Variants in SOHLH2 observed in about 807,000 individuals in gnomAD.
The protein encoded by SOHLH2 is spermatogenesis- and oogenesis-specific basic helix-loop-helix-containing protein 2.
SOHLH2 carries 22 observed loss-of-function variants against 50.4 expected under a neutral mutation model. The observed-to-expected ratio is 0.44, with a 90% CI of 0.31 to 0.62. The LOEUF is 0.62. SOHLH2 is among the 20% of genes least tolerant of loss of function. SOHLH2 has a pLI of 0.08. For synonymous variants in SOHLH2, 185 were observed against 187.3 expected, an observed-to-expected ratio of 0.99 and a Z score of 0.10; for missense variants, 412 against 504.4, an observed-to-expected ratio of 0.82 and a Z score of 1.76.
chr13:36,192,697 T>A (rs553731780), intron 4 of SOHLH2, among the ~76,000 whole-genome samples: 30 of 152,338 alleles, frequency 2.0e-4, no homozygotes, highest in African/African-American at 6.7e-4. Context: ...CTTGAGTTGA[T>A]AATATACATA....
At position 36,174,838 on chromosome 13, in the gene SOHLH2, G is replaced by T. The variant is rs1238544393; in HGVS notation, c.673C>A (p.Arg225Ser). The T allele has an allele frequency of 6.3e-7, 1 of 1,593,622 alleles. No homozygotes were observed. Among genetic ancestry groups the T allele is most frequent in the Non-Finnish European group, 8.5e-7 (1 of 1,174,474 alleles). The change falls in exon 7 of 11, where the codon CGT becomes AGT. Residue 225 changes from arginine to serine, a missense_variant. Physicochemically the swap from Arg to Ser is moderately radical, Grantham distance 110. Coordinates refer to ENST00000379881, the MANE Select transcript of SOHLH2 (RefSeq NM_017826.3). ...CCTTTTACATACGGCAAGAGAGTAC[G>T]CAGCTGCTCACAGCAATATTTGATT... ...ERIKYCCEQL[R>S]TLLPYVKGRK...
intron 6 of SOHLH2, chr13:36,181,970 A>G (rs1445244604): frequency 1.2e-6 from 1 of 859,140 alleles, no homozygotes; most frequent in East Asian, 1.2e-4. Context: ...AAACAAGTGA[A>G]GAGTCTAAGA....
chr13:36,172,720 T>A (rs192639053), intron 9 of SOHLH2, among the ~76,000 whole-genome samples: 2 of 152,310 alleles, frequency 1.3e-5, no homozygotes, highest in African/African-American at 2.4e-5. Context: ...AGCTGAGAAC[T>A]AGGGATGGAC....
At chr13:36,200,008 A>G (rs545499702) in intron 2 of SOHLH2, among the ~76,000 whole-genome samples, 1 of 152,278 alleles carries the variant, frequency 6.6e-6, no homozygotes, top group South Asian at 2.1e-4. Flanking sequence ...TACAAAAGTC[A>G]ATTAATTACA....
chr13:36,181,922 TA>T, intron 6 of SOHLH2: 2 of 656,828 alleles, frequency 3.0e-6, no homozygotes, highest in Non-Finnish European at 3.8e-6. Context: ...TACATGAAGA[TA>T]AAGGGAAATA....
intron 6 of SOHLH2, chr13:36,182,189 T>C (rs1183923511): frequency 1.0e-6 from 1 of 985,260 alleles, no homozygotes. Flanking sequence ...GAGCAAAAGA[T>C]GGTAATACAG....
At chr13:36,183,343 G>A (rs1259599611) in intron 6 of SOHLH2, 1 of 168,130 alleles carries the variant, frequency 5.9e-6, no homozygotes, top group South Asian at 1.5e-4. Context: ...ATGAAAGAAG[G>A]TAAATAGAAA....
intron 6 of SOHLH2, among the ~76,000 whole-genome samples, chr13:36,189,279 T>TTGCTAAAA (rs1325946571): frequency 1.3e-5 from 2 of 152,146 alleles, no homozygotes; most frequent in African/African-American, 4.8e-5. Flanking sequence ...TAACACTCCT[T>TTGCTAAAA]TGCTAAAATC....
At chr13:36,212,436 C>G (rs1240765076) in intron 1 of SOHLH2, among the ~76,000 whole-genome samples, 1 of 152,096 alleles carries the variant, frequency 6.6e-6, no homozygotes, top group Non-Finnish European at 1.5e-5. Flanking sequence ...CAACATAAAT[C>G]TGAATATTTA....
intron 6 of SOHLH2, among the ~76,000 whole-genome samples, chr13:36,188,456 C>T (rs1309317597): frequency 6.6e-6 from 1 of 152,182 alleles, no homozygotes; most frequent in African/African-American, 2.4e-5. Context: ...GTAAATACTT[C>T]ACACCTTCAT....
intron 6 of SOHLH2, among the ~76,000 whole-genome samples, chr13:36,177,365 C>A (rs986640822): frequency 6.6e-6 from 1 of 152,024 alleles, no homozygotes; most frequent in Non-Finnish European, 1.5e-5. Flanking sequence ...TGGGTTATTA[C>A]AAATAAGGAT....
chr13:36,185,374 GGA>G (rs1312993363), intron 6 of SOHLH2, among the ~76,000 whole-genome samples: 1 of 151,970 alleles, frequency 6.6e-6, no homozygotes, highest in Non-Finnish European at 1.5e-5. Flanking sequence ...GGCTGAGGCA[GGA>G]GAATTGCTTG....
intron 6 of SOHLH2, among the ~76,000 whole-genome samples, chr13:36,177,326 T>C (rs538480562): frequency 6.6e-6 from 1 of 152,246 alleles, no homozygotes; most frequent in South Asian, 2.1e-4. Context: ...CATTCTCTTA[T>C]TGATGAACAC....
intron 4 of SOHLH2, 22 bp downstream of exon 4, chr13:36,193,598 AC>A: frequency 6.4e-7 from 1 of 1,574,038 alleles, no homozygotes; most frequent in Non-Finnish European, 8.6e-7. Context: ...AAATTTTGAA[AC>A]CTTTGGAAAT....
intron 6 of SOHLH2, among the ~76,000 whole-genome samples, chr13:36,186,963 G>A (rs1887438098): frequency 6.6e-6 from 1 of 152,098 alleles, no homozygotes; most frequent in African/African-American, 2.4e-5. Flanking sequence ...TAGAAGCAAC[G>A]ATTTCAGATT....
intron 6 of SOHLH2, chr13:36,182,183 A>G: frequency 1.0e-6 from 1 of 985,336 alleles, no homozygotes; most frequent in Non-Finnish European, 1.2e-6. Flanking sequence ...ATGCAGGAGC[A>G]AAAGATGGTA....
At chr13:36,202,116 C>T (rs771671729) in intron 1 of SOHLH2, 23 bp from the exon 2 acceptor site, 24 of 1,612,466 alleles carry the variant, frequency 1.5e-5, no homozygotes, top group Admixed American at 3.3e-5. Flanking sequence ...GAAGCAGAGG[C>T]GTCACATAAT....
In SOHLH2 at chr13:36,201,994, T is replaced by C. The variant is rs953422144; in HGVS notation, c.148A>G (p.Ile50Val). 8.1e-6 allele frequency: 13 copies of C among 1,614,210 alleles called. No homozygotes were observed. Among genetic ancestry groups the C allele is most frequent in the Non-Finnish European group, 4.2e-6 (5 of 1,180,042 alleles). Residue 50 changes from isoleucine to valine, a missense_variant, in exon 2 of 11, where the codon ATC becomes GTC. Physicochemically the swap from Ile to Val is conservative, Grantham distance 29. Transcript: ENST00000379881. ...FANIAEVTIT[I>V]SDTKEAAALL... is the part of the protein sequence containing the mutation. ...GCTGCTGCCTCCTTCGTGTCACTGATGGTGATGGTGACTTCTGCTATGTTT... is the reference window on the plus strand; with the variant it reads ...GCTGCTGCCTCCTTCGTGTCACTGACGGTGATGGTGACTTCTGCTATGTTT...
chr13:36,176,508 T>A (rs1234080164), intron 6 of SOHLH2, among the ~76,000 whole-genome samples: 1 of 152,134 alleles, frequency 6.6e-6, no homozygotes, highest in Non-Finnish European at 1.5e-5. Flanking sequence ...GATTTCAGAC[T>A]TTTTTGGATT....
Sources: gnomAD v4.1 joint callset for allele counts (sites outside exome capture counted in the v4.1 genomes callset) on GRCh38, gnomAD v4.1.1 for gene constraint, MANE v1.5 for transcripts, NCBI Gene and HGNC (gene_info 2026-07-23, HGNC 2026-07-21) for gene names.